GSE1: variants seen among roughly 807,000 people sequenced by gnomAD.
The protein encoded by GSE1 is genetic suppressor element 1.
Under a neutral mutation model 112.6 loss-of-function variants are expected in GSE1, and 32 were observed. The ratio of observed to expected loss-of-function variants is 0.28; its 90% CI spans 0.21 to 0.38. The LOEUF (loss-of-function observed/expected upper bound fraction) is 0.38. Among genes scored for constraint, GSE1 ranks in the 10% least tolerant of loss-of-function variants. The pLI is 1.00. For missense variants in GSE1, 2,348 were observed against 1,699.2 expected, an observed-to-expected ratio of 1.38 and a Z score of -6.71; for synonymous variants, 1,115 against 735.6, an observed-to-expected ratio of 1.52 and a Z score of -8.35.
chr16:85,217,631 A>G (rs8046486), intron 1 of GSE1, among the ~76,000 whole-genome samples: 21,732 of 152,228 alleles, frequency 0.14, 1,649 homozygotes, highest in Middle Eastern at 0.17. Flanking sequence ...GCGTGAATAC[A>G]TGGAGAGCGT....
intron 1 of GSE1, among the ~76,000 whole-genome samples, chr16:85,293,732 T>C (rs1003774168): frequency 1.3e-4 from 20 of 152,172 alleles, no homozygotes; most frequent in African/African-American, 4.8e-4. Flanking sequence ...TTGGGGTTCC[T>C]TGGCTCCTAG....
chr16:85,660,455 G>A (rs1311842749), intron 8 of GSE1, among the ~76,000 whole-genome samples: 1 of 152,044 alleles, frequency 6.6e-6, no homozygotes, highest in African/African-American at 2.4e-5. Flanking sequence ...TGGCCAACTT[G>A]GTGAAACCCT....
At chr16:85,324,930 T>G (rs1285928509) in intron 1 of GSE1, among the ~76,000 whole-genome samples, 1 of 152,214 alleles carries the variant, frequency 6.6e-6, no homozygotes, top group Middle Eastern at 3.2e-3. Context: ...AAAATGGTGC[T>G]TTTTGTGATG....
At chr16:85,498,244 G>A (rs563459335) in intron 2 of GSE1, among the ~76,000 whole-genome samples, 4 of 152,236 alleles carry the variant, frequency 2.6e-5, no homozygotes, top group African/African-American at 9.6e-5. Flanking sequence ...AACTGCTGGG[G>A]TGTCCTCAGT....
chr16:85,643,877 C>T (rs74034007), intron 2 of GSE1, among the ~76,000 whole-genome samples: 31 of 151,852 alleles, frequency 2.0e-4, no homozygotes, highest in African/African-American at 7.0e-4. Flanking sequence ...CTCTTGGCAG[C>T]CTCTGCCTGG....
intron 1 of GSE1, among the ~76,000 whole-genome samples, chr16:85,231,099 C>CAGAT (rs1567625651): frequency 7.5e-5 from 7 of 93,510 alleles, no homozygotes. Context: ...GATGGATGGA[C>CAGAT]AGATGAATGG....
intron 2 of GSE1, among the ~76,000 whole-genome samples, chr16:85,528,229 T>C (rs1301742214): frequency 1.3e-5 from 2 of 152,168 alleles, no homozygotes; most frequent in Admixed American, 1.3e-4. Context: ...TGAATATGTG[T>C]TAGGTTGGAT....
intron 2 of GSE1, among the ~76,000 whole-genome samples, chr16:85,370,281 A>C (rs2047267666): frequency 6.6e-6 from 1 of 151,978 alleles, no homozygotes; most frequent in African/African-American, 2.4e-5. Context: ...TGAGCAACGC[A>C]CCCCAGGAGA....
chr16:85,437,154 C>T (rs2049267432), intron 2 of GSE1, among the ~76,000 whole-genome samples: 1 of 152,128 alleles, frequency 6.6e-6, no homozygotes, highest in Non-Finnish European at 1.5e-5. Context: ...CCCCTCCCCA[C>T]AGTCCCCCAA....
At chr16:85,559,970 A>G (rs1240476643) in intron 1 of GSE1, among the ~76,000 whole-genome samples, 1 of 152,150 alleles carries the variant, frequency 6.6e-6, no homozygotes, top group Non-Finnish European at 1.5e-5. Flanking sequence ...GTTGCAAGAA[A>G]CAGAATGAGC....
At chr16:85,170,686 A>C (rs1210793492) in exon 1 of GSE1, 2 of 985,570 alleles carry the variant, frequency 2.0e-6, no homozygotes, top group African/African-American at 3.5e-5. Flanking sequence ...CCACGTGCAG[A>C]AGCAGGAGAA....
At chr16:85,459,595 C>T (rs2049919690) in intron 2 of GSE1, among the ~76,000 whole-genome samples, 1 of 152,176 alleles carries the variant, frequency 6.6e-6, no homozygotes, top group Non-Finnish European at 1.5e-5. Context: ...CTGCCTGGTC[C>T]CTTTTGCCTA....
chr16:85,192,265 A>C (rs4541063), intron 1 of GSE1, among the ~76,000 whole-genome samples: 48,872 of 152,208 alleles, frequency 0.32, 8,321 homozygotes, highest in Middle Eastern at 0.44. Flanking sequence ...GCTGGGGTTC[A>C]AATCGGGGCT....
chr16:85,529,406 T>A (rs1055230116), intron 2 of GSE1, among the ~76,000 whole-genome samples: 7 of 152,230 alleles, frequency 4.6e-5, no homozygotes, highest in Non-Finnish European at 5.9e-5. Flanking sequence ...TTTATTTTTT[T>A]AAGATGTATT....
At chr16:85,566,501 C>T (rs542272944) in intron 1 of GSE1, among the ~76,000 whole-genome samples, 9 of 152,290 alleles carry the variant, frequency 5.9e-5, no homozygotes, top group Middle Eastern at 3.4e-3. Flanking sequence ...GGATGGAGGG[C>T]GCTATTGGCC....
In GSE1 at chr16:85,657,330, C is replaced by G. The variant is rs746510743; in HGVS notation, c.1366C>G (p.His456Asp). The change falls in exon 8 of 16, where the codon CAT becomes GAT. Residue 456 changes from histidine to aspartate, a missense_variant. His to Asp is a moderately conservative substitution (Grantham distance 81, BLOSUM62 -1). Transcript: ENST00000253458. ...GCCCAAGCCCGTCCAACACCCCTTG[C>G]ATCCGGTGCCCACCCCACACCACAC... ...QAPKPVQHPL[H>D]PVPTPHHTVP... 1.9e-6 allele frequency: 3 copies of G among 1,606,148 alleles called. No individual in the cohort carries two copies. Among genetic ancestry groups the G allele is most frequent in the East Asian group, 2.3e-5 (1 of 44,440 alleles).
intron 2 of GSE1, among the ~76,000 whole-genome samples, chr16:85,435,847 G>T (rs998273889): frequency 6.6e-6 from 1 of 152,184 alleles, no homozygotes; most frequent in African/African-American, 2.4e-5. Context: ...CCCTTCGGCT[G>T]TAGGTGGATC....
intron 1 of GSE1, among the ~76,000 whole-genome samples, chr16:85,204,455 C>T (rs1179137826): frequency 6.6e-6 from 1 of 152,222 alleles, no homozygotes; most frequent in Non-Finnish European, 1.5e-5. Flanking sequence ...TTTCAATTCT[C>T]TGAGGAATTC....
At chr16:85,274,249 A>G (rs1186179078) in intron 1 of GSE1, among the ~76,000 whole-genome samples, 1 of 151,836 alleles carries the variant, frequency 6.6e-6, no homozygotes, top group African/African-American at 2.4e-5. Context: ...TGGGCGTGGC[A>G]GCAGCCACCC....
Sources: allele counts gnomAD v4.1 joint callset (sites outside exome capture counted in the v4.1 genomes callset), GRCh38; gene constraint gnomAD v4.1.1; transcripts MANE v1.5; gene names NCBI Gene and HGNC (gene_info 2026-07-23, HGNC 2026-07-21).